Variants in PRKN observed in about 807,000 individuals in gnomAD.
PRKN encodes parkin RBR E3 ubiquitin protein ligase, also known as E3 ubiquitin-protein ligase parkin.
PRKN carries 56 observed loss-of-function variants against 59.5 expected under a neutral mutation model. The ratio of observed to expected loss-of-function variants is 0.94; its 90% CI spans 0.76 to 1.18. PRKN has a LOEUF of 1.18. Ranked by LOEUF, PRKN falls within the 50% of genes most tolerant of loss-of-function variation. The probability of loss-of-function intolerance (pLI) is 0.00; values close to 1 mark genes in which losing one functional copy is unlikely to be tolerated. For missense variants in PRKN, 657 were observed against 596.4 expected (o/e 1.10, Z -1.06); for synonymous variants, 250 against 222.1 (o/e 1.13, Z -1.12).
At chr6:161,791,175 T>A (rs549981351) in intron 6 of PRKN, among the ~76,000 whole-genome samples, 1 of 152,346 alleles carries the variant, frequency 6.6e-6, no homozygotes, top group Non-Finnish European at 1.5e-5. Context: ...ATAAAAAGAC[T>A]TATAAATGCT....
chr6:162,511,157 TC>T (rs1393493698), intron 1 of PRKN, among the ~76,000 whole-genome samples: 1 of 152,124 alleles, frequency 6.6e-6, no homozygotes, highest in Non-Finnish European at 1.5e-5. Flanking sequence ...TTTAATTATG[TC>T]CCCTTTTATA....
intron 3 of PRKN, among the ~76,000 whole-genome samples, chr6:162,253,025 C>A (rs117170459): frequency 9.2e-5 from 14 of 152,354 alleles, no homozygotes; most frequent in Admixed American, 5.9e-4. Flanking sequence ...TGCCTTCCAG[C>A]GGGCAGCCTA....
intron 7 of PRKN, among the ~76,000 whole-genome samples, chr6:161,628,978 A>C (rs1392869657): frequency 6.6e-6 from 1 of 152,220 alleles, no homozygotes; most frequent in Non-Finnish European, 1.5e-5. Context: ...GATATCTTGT[A>C]AGTGGGAGCT....
chr6:161,539,595 T>C (rs938811869), intron 9 of PRKN, among the ~76,000 whole-genome samples: 6 of 152,236 alleles, frequency 3.9e-5, no homozygotes, highest in African/African-American at 1.4e-4. Context: ...ATTTTTAACA[T>C]GTAACATTAC....
At chr6:161,727,287 C>T (rs1483996897) in intron 7 of PRKN, among the ~76,000 whole-genome samples, 3 of 152,154 alleles carry the variant, frequency 2.0e-5, no homozygotes, top group African/African-American at 4.8e-5. Flanking sequence ...CGCTGTTATC[C>T]TGAGGACTGT....
chr6:162,186,484 C>A (rs1190273173), intron 4 of PRKN, among the ~76,000 whole-genome samples: 1 of 151,816 alleles, frequency 6.6e-6, no homozygotes, highest in African/African-American at 2.4e-5. Flanking sequence ...AAGGTGATTT[C>A]TTTGTGGAAG....
chr6:161,601,895 A>G (rs535451651), intron 7 of PRKN, among the ~76,000 whole-genome samples: 3 of 152,150 alleles, frequency 2.0e-5, no homozygotes, highest in Non-Finnish European at 4.4e-5. Context: ...AGTGGATTTT[A>G]AGTCATCATT....
intron 1 of PRKN, among the ~76,000 whole-genome samples, chr6:162,514,426 A>G (rs866641621): frequency 2.6e-5 from 4 of 152,316 alleles, no homozygotes; most frequent in Middle Eastern, 3.4e-3. Flanking sequence ...GACAGGCTCA[A>G]TGCATCCGTT....
rs115783267 is a variant in PRKN, at chr6:162,291,155, G to C, written c.172-28390C>G. Among the ~76,000 whole-genome samples, 635 of 152,148 alleles carry C rather than the reference G, an allele frequency of 4.2e-3. 4 individuals are homozygous for C. The highest frequency in any genetic ancestry group is 0.015 in the African/African-American group (612 of 41,500). On this transcript the variant is annotated intron_variant, in intron 2 of 11. Transcript: ENST00000366898. ...CAAGGGTAGAAGAGAGAAATGTGGA[G>C]GGTTATCATCATAAATCATGTTAGA...
intron 4 of PRKN, among the ~76,000 whole-genome samples, chr6:162,083,133 T>C (rs1433084098): frequency 6.6e-6 from 1 of 151,956 alleles, no homozygotes; most frequent in African/African-American, 2.4e-5. Context: ...TTTGGGACTT[T>C]TAATAGAGAC....
chr6:162,397,790 A>C (rs1787548970), intron 2 of PRKN, among the ~76,000 whole-genome samples: 1 of 152,152 alleles, frequency 6.6e-6, no homozygotes. Context: ...TAATCCTAGC[A>C]CTTTGGGAGG....
At chr6:162,622,291 GTTTTTTTT>G (rs748667913) in intron 1 of PRKN, among the ~76,000 whole-genome samples, 1 of 126,644 alleles carries the variant, frequency 7.9e-6, no homozygotes, top group Non-Finnish European at 1.7e-5. Context: ...TTCAAATTCT[GTTTTTTTT>G]TTTGTTTTGT....
chr6:162,015,516 C>A (rs941059965), intron 5 of PRKN, among the ~76,000 whole-genome samples: 1 of 152,148 alleles, frequency 6.6e-6, no homozygotes, highest in African/African-American at 2.4e-5. Context: ...GCCTAATTTT[C>A]AACAGGAATG....
At chr6:161,688,276 G>A (rs569282645) in intron 7 of PRKN, among the ~76,000 whole-genome samples, 30 of 152,288 alleles carry the variant, frequency 2.0e-4, no homozygotes, top group African/African-American at 7.2e-4. Flanking sequence ...TGGGAAAGTC[G>A]TCCTTTTGGC....
chr6:161,794,722 G>A (rs1790768604), intron 6 of PRKN, among the ~76,000 whole-genome samples: 1 of 152,002 alleles, frequency 6.6e-6, no homozygotes, highest in Admixed American at 6.6e-5. Context: ...CTACAGGCAA[G>A]ACTCCTCCTC....
intron 6 of PRKN, among the ~76,000 whole-genome samples, chr6:161,904,877 G>A (rs6455785): frequency 6.6e-6 from 1 of 151,918 alleles, no homozygotes. Flanking sequence ...GGTCTGATGT[G>A]GGGGGAGTCA....
intron 3 of PRKN, among the ~76,000 whole-genome samples, chr6:162,223,754 T>C (rs2128082236): frequency 6.6e-6 from 1 of 152,082 alleles, no homozygotes; most frequent in African/African-American, 2.4e-5. Context: ...TCCTGGTTTT[T>C]CCCCCTGAAA....
intron 4 of PRKN, among the ~76,000 whole-genome samples, chr6:162,076,599 G>A (rs9456739): frequency 0.82 from 124,595 of 152,064 alleles, 51,248 homozygotes; most frequent in Admixed American, 0.88. Flanking sequence ...TTAATTTTAG[G>A]TGAAAACTAA....
chr6:161,745,579 G>C (rs376421687), intron 7 of PRKN, among the ~76,000 whole-genome samples: 1 of 152,196 alleles, frequency 6.6e-6, no homozygotes, highest in Non-Finnish European at 1.5e-5. Flanking sequence ...TGAATATCTT[G>C]TAGGCAGTTT....
Sources: allele counts gnomAD v4.1 joint callset (sites outside exome capture counted in the v4.1 genomes callset), GRCh38; gene constraint gnomAD v4.1.1; transcripts MANE v1.5; gene names NCBI Gene and HGNC (gene_info 2026-07-23, HGNC 2026-07-21).